The following SLC18B1 variants were observed in gnomAD, a reference collection of about 807,000 sequenced individuals.
SLC18B1 encodes the protein solute carrier family 18 member B1.
A neutral mutation model predicts 53.9 loss-of-function variants in SLC18B1; 62 were observed. The observed-to-expected ratio is 1.15, with a 90% CI of 0.94 to 1.42. The LOEUF is 1.42. Among genes scored for constraint, SLC18B1 ranks in the 40% most tolerant of loss-of-function variants. SLC18B1 has a pLI of 0.00. For synonymous variants in SLC18B1, 217 were observed against 200.9 expected (o/e 1.08, Z -0.68); for missense variants, 598 against 547.3 (o/e 1.09, Z -0.93).
Position 132,770,936 on chromosome 6 carries a change from A to G in SLC18B1, c.1258T>C (p.Leu420=). 1 of 1,612,854 alleles carries G rather than the reference A, an allele frequency of 6.2e-7. No individual in the cohort carries two copies. The highest frequency in any genetic ancestry group is 8.5e-7 in the Non-Finnish European group (1 of 1,179,648). The change falls in exon 13 of 14, where the codon TTA becomes CTA. Residue 420 remains leucine, a synonymous_variant. Transcript: ENST00000275227. ...IQGLWALISG[L]AMGLFYLLEY... is the part of the protein sequence containing the mutation. Reference sequence around the variant, plus strand: ...AGTAGATAAAACAAGCCCATGGCTAATCCCTTAAACACAATTAAAAGTACT... The same window carrying G: ...AGTAGATAAAACAAGCCCATGGCTAGTCCCTTAAACACAATTAAAAGTACT...
intron 9 of SLC18B1, among the ~76,000 whole-genome samples, chr6:132,773,620 C>G (rs966109049): frequency 6.6e-6 from 1 of 152,168 alleles, no homozygotes; most frequent in African/African-American, 2.4e-5. Flanking sequence ...AAAACCGAGG[C>G]TCTTGGAAGT....
Position 132,796,979 on chromosome 6 carries a change from T to C in SLC18B1, c.183+3A>G. On this transcript the variant is annotated splice_donor_region_variant and intron_variant, in intron 2 of 13. Transcript: ENST00000275227. ...AGGTCCTAAGGATTTAAAAATGTCT[T>C]ACCTCTTTGGGGAAAAACGGTCCAA... 1 of 1,611,644 alleles carries C rather than the reference T, an allele frequency of 6.2e-7. No individual in the cohort carries two copies. The highest frequency in any genetic ancestry group is 8.5e-7 in the Non-Finnish European group (1 of 1,178,924).
rs952350333 is a variant in SLC18B1, at chr6:132,787,465, T to G, written c.470A>C (p.Lys157Thr). Residue 157 changes from lysine (K) to threonine (T), a missense_variant, in exon 5 of 14, where the codon AAG (lysine) becomes ACG (threonine). Physicochemically the swap from Lys to Thr is moderately conservative, Grantham distance 78 (BLOSUM62 -1). Coordinates refer to ENST00000275227, the MANE Select transcript of SLC18B1 (RefSeq NM_052831.3). The stretch of plus-strand genomic sequence containing the variant: ...CGTAGCCACGTTATTTGGAAAAGCC[T>G]TTGCCAGGATAGAAGAAGATGCAGT... ...AMTASSSILAKAFPNNVATVL... is the reference protein window; with the variant it reads ...AMTASSSILATAFPNNVATVL... The G allele has an allele frequency of 1.2e-6, 2 of 1,602,068 alleles. No homozygotes were observed. Among genetic ancestry groups the G allele is most frequent in the Admixed American group, 3.5e-5 (2 of 56,682 alleles).
chr6:132,792,970 A>T (rs768242748), intron 2 of SLC18B1, among the ~76,000 whole-genome samples: 1 of 152,062 alleles, frequency 6.6e-6, no homozygotes, highest in Non-Finnish European at 1.5e-5. Flanking sequence ...AATACAAAAA[A>T]ATTAGCTGGG....
Position 132,789,744 on chromosome 6 carries a change from A to G in SLC18B1, c.353+20T>C. On this transcript the variant is annotated intron_variant, in intron 4 of 13. Coordinates refer to ENST00000275227, the MANE Select transcript of SLC18B1 (RefSeq NM_052831.3). Reference sequence around the variant, plus strand: ...ACAAAATCTGTTCAAGCTCCCAAATATAATCAGAAAATGACTTACCCAAAG... The same window carrying G: ...ACAAAATCTGTTCAAGCTCCCAAATGTAATCAGAAAATGACTTACCCAAAG... The G allele has an allele frequency of 6.4e-7, 1 of 1,556,150 alleles. No individual in the cohort carries two copies. The highest frequency in any genetic ancestry group is 8.9e-7 in the Non-Finnish European group (1 of 1,127,788).
intron 6 of SLC18B1, among the ~76,000 whole-genome samples, chr6:132,782,926 C>A (rs939508819): frequency 1.3e-5 from 2 of 151,906 alleles, no homozygotes; most frequent in Admixed American, 1.3e-4. Context: ...AGGTACATAC[C>A]ACCATGCCTG....
At chr6:132,776,504 A>G in intron 7 of SLC18B1, 75 bp from the exon 8 acceptor site, 1 of 1,056,758 alleles carries the variant, frequency 9.5e-7, no homozygotes, top group Admixed American at 2.1e-5. Context: ...TCCCTCTACC[A>G]TTTCTTTAGC....
intron 4 of SLC18B1, among the ~76,000 whole-genome samples, chr6:132,788,485 A>C (rs1297726837): frequency 6.6e-6 from 1 of 152,060 alleles, no homozygotes; most frequent in Non-Finnish European, 1.5e-5. Context: ...CTGCTGATAT[A>C]ACTGGTCCCC....
At chr6:132,770,581 CA>C (rs1395202677) in intron 13 of SLC18B1, among the ~76,000 whole-genome samples, 1 of 151,946 alleles carries the variant, frequency 6.6e-6, no homozygotes, top group Non-Finnish European at 1.5e-5. Context: ...ACTAAAAATA[CA>C]AAAATTAACT....
At chr6:132,781,541 G>A (rs997901138) in intron 6 of SLC18B1, among the ~76,000 whole-genome samples, 7 of 152,124 alleles carry the variant, frequency 4.6e-5, no homozygotes, top group African/African-American at 1.7e-4. Context: ...GGTGGATCAC[G>A]AGGGTAGGAG....
Position 132,798,561 on chromosome 6 carries a change from C to T in SLC18B1, c.-105G>A. 8.4e-7 allele frequency: 1 copy of T among 1,195,714 alleles called. No individual in the cohort carries two copies. Among genetic ancestry groups the T allele is most frequent in the Non-Finnish European group, 1.1e-6 (1 of 912,224 alleles). 74.1% of individuals were successfully genotyped at this position (1,195,714 alleles called of 1,614,324 possible). The stretch of plus-strand genomic sequence containing the variant: ...ACTCTGGCGGGCGGCCGCTGCTCAG[C>T]TGGAACCTGGCATCCCCGACTCCCT... On this transcript the variant is annotated 5_prime_UTR_variant, in exon 1 of 14. Coordinates refer to ENST00000275227, the MANE Select transcript of SLC18B1 (RefSeq NM_052831.3).
intron 1 of SLC18B1, among the ~76,000 whole-genome samples, chr6:132,797,469 G>A (rs1018823379): frequency 3.3e-5 from 5 of 152,130 alleles, no homozygotes; most frequent in African/African-American, 9.7e-5. Context: ...CGTGGTGGCG[G>A]GCCCCTGTAT....
Position 132,780,565 on chromosome 6 carries a change from GTTT to G in SLC18B1, c.659-1164_659-1162del, listed in dbSNP as rs10537572. Among the ~76,000 whole-genome samples the G allele has an allele frequency of 2.3e-3, 177 of 75,914 alleles. 1 individual carries two copies. Among genetic ancestry groups the G allele is most frequent in the Middle Eastern group, 0.013 (1 of 76 alleles). The allele number at this position is 75,914 out of a possible 152,430, so 49.8% of individuals were successfully genotyped here. A position where few individuals can be genotyped will look rare whatever the true frequency, so the allele number is the denominator to read the frequency against. On this transcript the variant is annotated intron_variant, in intron 6 of 13. Transcript: ENST00000275227. The stretch of plus-strand genomic sequence containing the variant: ...AGATAAAAGTTAAACCGTGGTGTTA[GTTT>G]TTTTTTTTTTTTTTTTTTTTTGAGA...
intron 2 of SLC18B1, among the ~76,000 whole-genome samples, chr6:132,793,049 A>G (rs748516160): frequency 6.6e-6 from 1 of 152,184 alleles, no homozygotes; most frequent in Non-Finnish European, 1.5e-5. Flanking sequence ...TGAACTCAGG[A>G]GGCGGAGGTT....
chr6:132,771,019 A>G lies in SLC18B1; in HGVS notation c.1254+17T>C, dbSNP rs754353267. 10 of 1,611,186 alleles carry G rather than the reference A, an allele frequency of 6.2e-6. No individual in the cohort carries two copies. The Admixed American group carries it at 1.7e-4, about 27-fold the overall frequency. On this transcript the variant is annotated intron_variant, in intron 12 of 13. Coordinates refer to ENST00000275227, the MANE Select transcript of SLC18B1 (RefSeq NM_052831.3). ...CACAAATATAAGGAAAATGCAAATA[A>G]AAGACTGATTACTCACACTTATCAG...
At chr6:132,780,570 T>G (rs1473520598) in intron 6 of SLC18B1, among the ~76,000 whole-genome samples, 2 of 144,734 alleles carry the variant, frequency 1.4e-5, no homozygotes, top group Non-Finnish European at 3.0e-5. Flanking sequence ...TGTTAGTTTT[T>G]TTTTTTTTTT....
Position 132,798,452 on chromosome 6 carries a change from T to C in SLC18B1, c.5A>G (p.Glu2Gly). The change falls in exon 1 of 14, where the codon GAG becomes GGG. Residue 2 changes from glutamate to glycine, a missense_variant. Coordinates refer to ENST00000275227, the MANE Select transcript of SLC18B1 (RefSeq NM_052831.3). M[E>G]ALGDLEGPRA... The stretch of plus-strand genomic sequence containing the variant: ...TGGTCCCTCCAGGTCACCCAGCGCC[T>C]CCATCCCCGGTGCGTGGACTCCGGC... 6.6e-7 allele frequency: 1 copy of C among 1,522,976 alleles called. No individual in the cohort carries two copies. The highest frequency in any genetic ancestry group is 8.8e-7 in the Non-Finnish European group (1 of 1,131,676). 94.3% of individuals were successfully genotyped at this position (1,522,976 alleles called of 1,614,324 possible).
intron 2 of SLC18B1, among the ~76,000 whole-genome samples, chr6:132,791,345 C>A (rs1258741904): frequency 1.3e-5 from 2 of 152,224 alleles, no homozygotes; most frequent in African/African-American, 4.8e-5. Context: ...CTTTTGCACT[C>A]TTCAACATCC....
In SLC18B1 at chr6:132,783,950, T is replaced by C. The variant is rs766611490; in HGVS notation, c.641A>G (p.Tyr214Cys). Residue 214 changes from tyrosine (Y) to cysteine (C), a missense_variant, in exon 6 of 14, where the codon TAT becomes TGT. By Grantham distance (194) the Tyr-to-Cys change is radical. Coordinates refer to ENST00000275227, the MANE Select transcript of SLC18B1 (RefSeq NM_052831.3). ...VVLLMVPLNM[Y>C]ILPNYESDPG... ...GGACTTACCGTAATTGGGTAAAATA[T>C]ACATATTGAGTGGTACCATCAGCAA... 2.5e-6 allele frequency: 4 copies of C among 1,596,874 alleles called. No individual in the cohort carries two copies. The highest frequency in any genetic ancestry group is 3.4e-6 in the Non-Finnish European group (4 of 1,173,636).
Sources: allele counts gnomAD v4.1 joint callset (sites outside exome capture counted in the v4.1 genomes callset), GRCh38; gene constraint gnomAD v4.1.1; transcripts MANE v1.5; gene names NCBI Gene and HGNC (gene_info 2026-07-23, HGNC 2026-07-21).